The following SYNPR variants were observed in gnomAD, a reference collection of about 807,000 sequenced individuals.
SYNPR encodes the protein synaptoporin.
A neutral mutation model predicts 32.9 loss-of-function variants in SYNPR; 23 were observed. That is an observed-to-expected ratio of 0.70 (90% CI 0.50 to 0.99). The LOEUF is 0.99. SYNPR is among the 50% of genes least tolerant of loss of function. The pLI, the probability that SYNPR is intolerant of heterozygous loss-of-function variation, is 0.00. For synonymous variants in SYNPR, 146 were observed against 135.9 expected (o/e 1.07, Z -0.52); for missense variants, 318 against 349.3 (o/e 0.91, Z 0.71).
chr3:63,239,872 A>T (rs894441074), intron 1 of SYNPR, among the ~76,000 whole-genome samples: 2 of 151,926 alleles, frequency 1.3e-5, no homozygotes, highest in Non-Finnish European at 2.9e-5. Context: ...TGTGTCATGC[A>T]CCCATCCTAC....
intron 2 of SYNPR, among the ~76,000 whole-genome samples, chr3:63,300,605 A>G (rs1247701308): frequency 6.6e-6 from 1 of 152,082 alleles, no homozygotes; most frequent in Non-Finnish European, 1.5e-5. Context: ...CTTTGGCTGA[A>G]TGAAACCACC....
intron 3 of SYNPR, among the ~76,000 whole-genome samples, chr3:63,544,225 C>T (rs754954096): frequency 1.3e-5 from 2 of 152,034 alleles, no homozygotes; most frequent in African/African-American, 4.8e-5. Flanking sequence ...ATTGGAGACA[C>T]GGGTGACATT....
chr3:63,588,140 G>C (rs73120749), intron 4 of SYNPR, among the ~76,000 whole-genome samples: 3,219 of 152,140 alleles, frequency 0.021, 49 homozygotes, highest in Non-Finnish European at 0.031. Flanking sequence ...ATCAGTTTGT[G>C]TCTGTTTGTG....
Position 63,516,883 on chromosome 3 carries a change from G to A in SYNPR, c.209+35927G>A, listed in dbSNP as rs116817700. ...TCATGTTTTCATTAGAATCCTTGAT[G>A]TATTATTATTCTTTCTCTTTAACTA... On this transcript the variant is annotated intron_variant, in intron 3 of 5. Coordinates refer to ENST00000478300, the MANE Select transcript of SYNPR (RefSeq NM_001130003.2). Among the ~76,000 whole-genome samples the A allele has an allele frequency of 6.0e-3, 909 of 152,198 alleles. 12 individuals carry two copies. The highest frequency in any genetic ancestry group is 0.02 in the African/African-American group (836 of 41,534).
At chr3:63,445,207 A>C (rs1700252641) in intron 2 of SYNPR, among the ~76,000 whole-genome samples, 1 of 152,224 alleles carries the variant, frequency 6.6e-6, no homozygotes, top group Non-Finnish European at 1.5e-5. Flanking sequence ...TCAGTAATAT[A>C]AATTAATGAA....
intron 2 of SYNPR, among the ~76,000 whole-genome samples, chr3:63,328,644 G>A (rs1463101170): frequency 1.3e-5 from 2 of 152,156 alleles, no homozygotes; most frequent in African/African-American, 2.4e-5. Flanking sequence ...GAGAGCTGTG[G>A]ATGCCTGGAC....
At chr3:63,257,682 A>G (rs1182848616) in intron 2 of SYNPR, among the ~76,000 whole-genome samples, 3 of 151,864 alleles carry the variant, frequency 2.0e-5, no homozygotes, top group African/African-American at 2.4e-5. Flanking sequence ...ATAACCAGCT[A>G]ACATCATAAT....
At chr3:63,480,282 A>G (rs752181696) in intron 2 of SYNPR, among the ~76,000 whole-genome samples, 6 of 152,202 alleles carry the variant, frequency 3.9e-5, no homozygotes, top group Non-Finnish European at 8.8e-5. Context: ...GCTGAAATAT[A>G]CTGAGATCTT....
intron 2 of SYNPR, among the ~76,000 whole-genome samples, chr3:63,384,160 T>A (rs540822774): frequency 6.6e-6 from 1 of 152,380 alleles, no homozygotes; most frequent in East Asian, 1.9e-4. Flanking sequence ...TTTCCAGCTA[T>A]ACTTTTTCCT....
At chr3:63,207,282 C>A in the SYNPR span, among the ~76,000 whole-genome samples, 1 of 152,212 alleles carries the variant, frequency 6.6e-6, no homozygotes, top group African/African-American at 2.4e-5. Flanking sequence ...CTCAGATGTT[C>A]TGACTCAATA....
chr3:63,221,273 C>T, the SYNPR span, among the ~76,000 whole-genome samples: 3 of 151,684 alleles, frequency 2.0e-5, no homozygotes, highest in African/African-American at 7.3e-5. Flanking sequence ...ATGATTTCAC[C>T]TAGGGAAAGA....
chr3:63,318,851 G>A (rs1351059182), intron 2 of SYNPR, among the ~76,000 whole-genome samples: 6 of 151,896 alleles, frequency 4.0e-5, no homozygotes, highest in Admixed American at 6.6e-5. Flanking sequence ...TCATATTACC[G>A]GGGTTGGTTT....
At chr3:63,254,381 A>T (rs2086364159) in intron 2 of SYNPR, among the ~76,000 whole-genome samples, 1 of 152,200 alleles carries the variant, frequency 6.6e-6, no homozygotes, top group African/African-American at 2.4e-5. Context: ...ACTGTAGGTC[A>T]AGATCTACTA....
At chr3:63,516,735 C>T (rs988326095) in intron 3 of SYNPR, among the ~76,000 whole-genome samples, 9 of 152,086 alleles carry the variant, frequency 5.9e-5, no homozygotes, top group African/African-American at 1.7e-4. Flanking sequence ...AGCAGAGTTC[C>T]AAAAGCAGAG....
the SYNPR span, among the ~76,000 whole-genome samples, chr3:63,220,657 A>G: frequency 6.6e-6 from 1 of 152,096 alleles, no homozygotes; most frequent in Admixed American, 6.6e-5. Flanking sequence ...CTTCTTTCCC[A>G]TGTCAGAATA....
At chr3:63,207,821 A>C in the SYNPR span, among the ~76,000 whole-genome samples, 1 of 152,158 alleles carries the variant, frequency 6.6e-6, no homozygotes, top group African/African-American at 2.4e-5. Context: ...TAAATCTCAG[A>C]ATCAAGCATG....
chr3:63,230,125 G>T (rs2086156164), intron 1 of SYNPR, among the ~76,000 whole-genome samples: 1 of 152,002 alleles, frequency 6.6e-6, no homozygotes, highest in Non-Finnish European at 1.5e-5. Context: ...TGTTTCAATG[G>T]GTGCTCAGGA....
intron 2 of SYNPR, among the ~76,000 whole-genome samples, chr3:63,255,108 T>C (rs184603273): frequency 2.0e-5 from 3 of 152,308 alleles, no homozygotes; most frequent in South Asian, 4.1e-4. Context: ...TGGGTGATAG[T>C]AGCACACCTT....
intron 2 of SYNPR, among the ~76,000 whole-genome samples, chr3:63,414,363 T>C (rs2107121761): frequency 6.6e-6 from 1 of 152,316 alleles, no homozygotes; most frequent in South Asian, 2.1e-4. Flanking sequence ...TGGAGTTTTA[T>C]TAGGTTGCAA....
Sources: allele counts gnomAD v4.1 joint callset (sites outside exome capture counted in the v4.1 genomes callset), GRCh38; gene constraint gnomAD v4.1.1; transcripts MANE v1.5; gene names NCBI Gene and HGNC (gene_info 2026-07-23, HGNC 2026-07-21).